The following UBASH3B variants were observed in gnomAD, a reference collection of about 807,000 sequenced individuals.
UBASH3B encodes ubiquitin-associated and SH3 domain-containing protein B.
A neutral mutation model predicts 83.4 loss-of-function variants in UBASH3B; 37 were observed. The ratio of observed to expected loss-of-function variants is 0.44; its 90% CI spans 0.34 to 0.58. UBASH3B has a LOEUF of 0.58. UBASH3B is among the 20% of genes least tolerant of loss of function. The probability of loss-of-function intolerance (pLI) is 0.01; values close to 1 mark genes in which losing one functional copy is unlikely to be tolerated. For missense variants in UBASH3B, 657 were observed against 827.2 expected (o/e 0.79, Z 2.52); for synonymous variants, 304 against 318.3 (o/e 0.96, Z 0.48).
Position 122,656,211 on chromosome 11 carries a change from G to GT in UBASH3B, c.161+2dup. On this transcript the variant is annotated splice_donor_variant, in intron 1 of 13. Coordinates refer to ENST00000284273, the MANE Select transcript of UBASH3B (RefSeq NM_032873.5). LOFTEE classifies it high-confidence loss of function. ...CCATGGGGTTCCCCAGAGCCCGCGCGTAAGTGGCCGGGCTCGCAGCCCTCG... is the reference window on the plus strand; with the variant it reads ...CCATGGGGTTCCCCAGAGCCCGCGCGTTAAGTGGCCGGGCTCGCAGCCCTCG... The GT allele has an allele frequency of 6.9e-7, 1 of 1,458,558 alleles. No homozygotes were observed. The highest frequency in any genetic ancestry group is 9.1e-7 in the Non-Finnish European group (1 of 1,100,198). 90.4% of individuals were successfully genotyped at this position (1,458,558 alleles called of 1,614,324 possible). A position where few individuals can be genotyped will look rare whatever the true frequency, so the allele number is the denominator to read the frequency against.
intron 1 of UBASH3B, among the ~76,000 whole-genome samples, chr11:122,724,243 C>T (rs1039772468): frequency 2.6e-5 from 4 of 152,190 alleles, no homozygotes; most frequent in African/African-American, 9.7e-5. Flanking sequence ...GTGTACTCAT[C>T]GGTAAGATCA....
Position 122,806,295 on chromosome 11 carries a change from A to G in UBASH3B, c.1596-115A>G. Reference sequence around the variant, plus strand: ...TTCTCCTTTCTAGGGAAATGGATAAACAAACAGATCTACGGGATCTTTAGA... The same window carrying G: ...TTCTCCTTTCTAGGGAAATGGATAAGCAAACAGATCTACGGGATCTTTAGA... On this transcript the variant is annotated intron_variant, in intron 11 of 13. Coordinates refer to ENST00000284273, the MANE Select transcript of UBASH3B (RefSeq NM_032873.5). This position sits in a 1 kb window ranked among gnomAD's most constrained non-coding sequence, Gnocchi z 4.0. The G allele has an allele frequency of 1.1e-6, 1 of 876,632 alleles. No individual in the cohort carries two copies. Among genetic ancestry groups the G allele is most frequent in the Non-Finnish European group, 1.8e-6 (1 of 568,810 alleles). The allele number at this position is 876,632 out of a possible 1,614,324, so 54.3% of individuals were successfully genotyped here.
At chr11:122,699,507 TTCTTTCTTTC>T (rs1186626393) in intron 1 of UBASH3B, among the ~76,000 whole-genome samples, 1 of 141,172 alleles carries the variant, frequency 7.1e-6, no homozygotes, top group Non-Finnish European at 1.6e-5. Flanking sequence ...AAATCTTTCT[TTCTTTCTTTC>T]TCTTTCTTTC....
intron 1 of UBASH3B, among the ~76,000 whole-genome samples, chr11:122,764,440 T>C (rs1416510993): frequency 1.3e-5 from 2 of 152,228 alleles, no homozygotes; most frequent in Admixed American, 1.3e-4. Flanking sequence ...AAAAGACACA[T>C]ACCCATGTTC....
At chr11:122,800,179 G>A (rs893926880) in intron 10 of UBASH3B, among the ~76,000 whole-genome samples, 2 of 152,086 alleles carry the variant, frequency 1.3e-5, no homozygotes, top group African/African-American at 4.8e-5. Context: ...ATTCAAATAC[G>A]ATGTTGGATA....
intron 1 of UBASH3B, among the ~76,000 whole-genome samples, chr11:122,726,479 A>G (rs1292867819): frequency 6.6e-6 from 1 of 151,232 alleles, no homozygotes; most frequent in East Asian, 1.9e-4. Flanking sequence ...CCTCCCGAGT[A>G]GCTGGGATTA....
At chr11:122,662,627 C>T (rs1863460922) in intron 1 of UBASH3B, among the ~76,000 whole-genome samples, 1 of 150,870 alleles carries the variant, frequency 6.6e-6, no homozygotes, top group African/African-American at 2.4e-5. Context: ...GACAGGGTTT[C>T]TCCATGTTGG....
intron 5 of UBASH3B, among the ~76,000 whole-genome samples, chr11:122,788,360 G>A (rs1309840477): frequency 6.6e-6 from 1 of 152,172 alleles, no homozygotes; most frequent in Non-Finnish European, 1.5e-5. Context: ...CCTGAGGTCA[G>A]GAGTTCGAGA....
intron 5 of UBASH3B, 140 bp downstream of exon 5, chr11:122,783,362 G>A: frequency 3.9e-6 from 4 of 1,018,748 alleles, no homozygotes; most frequent in Non-Finnish European, 5.5e-6. Context: ...GCTCAGGATT[G>A]TGTCCAGCCT....
chr11:122,714,506 T>C (rs56101607), intron 1 of UBASH3B, among the ~76,000 whole-genome samples: 19,481 of 152,254 alleles, frequency 0.13, 1,402 homozygotes, highest in African/African-American at 0.18. Context: ...CAGACCTCTT[T>C]TTCCAGGTAT....
At chr11:122,774,968 C>T (rs544305352) in intron 1 of UBASH3B, among the ~76,000 whole-genome samples, 23 of 152,158 alleles carry the variant, frequency 1.5e-4, no homozygotes, top group African/African-American at 4.6e-4. Context: ...ATCTCCCTGT[C>T]CTATGTTCTT....
chr11:122,802,600 C>T (rs910811657), intron 11 of UBASH3B, among the ~76,000 whole-genome samples: 4 of 152,084 alleles, frequency 2.6e-5, no homozygotes, highest in African/African-American at 9.7e-5. Context: ...TATTCTTTTT[C>T]CATACTCATT....
chr11:122,813,849 T>A lies in UBASH3B; in HGVS notation c.*3963T>A, dbSNP rs1271617477. The A allele has an allele frequency of 1.3e-5, 2 of 152,230 alleles. No homozygotes were observed. Among genetic ancestry groups the A allele is most frequent in the African/African-American group, 4.8e-5 (2 of 41,464 alleles). 9.4% of individuals were successfully genotyped at this position (152,230 alleles called of 1,614,324 possible). ...GAATTTCCCTAGGAAAGTGACTAGC[T>A]ATAATGAAAATTCAAGCGAAAAGGG... On this transcript the variant is annotated 3_prime_UTR_variant, in exon 14 of 14. Transcript: ENST00000284273.
chr11:122,808,664 C>G (rs1456668942), intron 13 of UBASH3B, among the ~76,000 whole-genome samples: 1 of 152,222 alleles, frequency 6.6e-6, no homozygotes, highest in Non-Finnish European at 1.5e-5. Context: ...CATCTGGAGT[C>G]TTCCTTTCTG....
chr11:122,727,922 C>A (rs1042594555), intron 1 of UBASH3B, among the ~76,000 whole-genome samples: 10 of 152,190 alleles, frequency 6.6e-5, no homozygotes, highest in Admixed American at 6.5e-4. Context: ...AGTCCCTATC[C>A]TGAAGGCTCC....
rs913593733 is a variant in UBASH3B, at chr11:122,765,998, G to A, written c.162-10221G>A. 9.8e-5 allele frequency among the ~76,000 whole-genome samples: 15 copies of A among 152,316 alleles called. No homozygotes were observed. The South Asian group carries it at 1.7e-3, about 17-fold the overall frequency. ...CTGTATTAATCACCCAGCGTGGCTG[G>A]TGCACTGCAGAAAAGTGATGGCCTT... On this transcript the variant is annotated intron_variant, in intron 1 of 13. Coordinates refer to ENST00000284273, the MANE Select transcript of UBASH3B (RefSeq NM_032873.5).
chr11:122,678,973 A>G (rs910070013), intron 1 of UBASH3B, among the ~76,000 whole-genome samples: 5 of 152,204 alleles, frequency 3.3e-5, no homozygotes, highest in African/African-American at 1.2e-4. Flanking sequence ...GCAGGAATAA[A>G]CAAGGATGCC....
At chr11:122,755,858 C>T (rs1332539508) in intron 1 of UBASH3B, among the ~76,000 whole-genome samples, 2 of 152,182 alleles carry the variant, frequency 1.3e-5, no homozygotes, top group Admixed American at 1.3e-4. Flanking sequence ...TAATTATAAT[C>T]TGCTTTTTTC....
chr11:122,744,750 AGTGT>A (rs963547463), intron 1 of UBASH3B, among the ~76,000 whole-genome samples: 6 of 151,614 alleles, frequency 4.0e-5, no homozygotes, highest in Admixed American at 6.6e-5. Context: ...TGATTGTGTC[AGTGT>A]GTGAGTGATC....
Sources: allele counts gnomAD v4.1 joint callset (sites outside exome capture counted in the v4.1 genomes callset), GRCh38; gene constraint gnomAD v4.1.1; non-coding constraint Gnocchi (gnomAD v3.1); transcripts MANE v1.5; gene names NCBI Gene and HGNC (gene_info 2026-07-23, HGNC 2026-07-21).